The following MTTP variants were observed in gnomAD, a reference collection of about 807,000 sequenced individuals.
The protein encoded by MTTP is microsomal triglyceride transfer protein.
MTTP carries 49 observed loss-of-function variants against 90.6 expected under a neutral mutation model. That is an observed-to-expected ratio of 0.54 (90% CI 0.43 to 0.69). The LOEUF (loss-of-function observed/expected upper bound fraction) is 0.69. Ranked by LOEUF, MTTP falls within the 30% of genes least tolerant of loss-of-function variation. The pLI is 0.00. For synonymous variants in MTTP, 347 were observed against 384.2 expected, an observed-to-expected ratio of 0.90 and a Z score of 1.13; for missense variants, 945 against 1,067.5, an observed-to-expected ratio of 0.89 and a Z score of 1.60.
intron 9 of MTTP, 107 bp downstream of exon 9, chr4:99,600,840 C>A (rs1725678975): frequency 2.8e-6 from 3 of 1,064,702 alleles, no homozygotes; most frequent in Non-Finnish European, 4.1e-6. Context: ...CAACTAGAGA[C>A]TTCTGAGTAT....
chr4:99,575,978 A>T (rs1724948410), intron 1 of MTTP, among the ~76,000 whole-genome samples: 1 of 152,214 alleles, frequency 6.6e-6, no homozygotes. Flanking sequence ...TTGTGTAGAA[A>T]ATTTCCACAT....
At chr4:99,613,271 C>T in intron 15 of MTTP, 131 bp downstream of exon 15, 2 of 776,800 alleles carry the variant, frequency 2.6e-6, no homozygotes, top group Non-Finnish European at 2.2e-6. Flanking sequence ...AAGCACTTGG[C>T]CCTCTTGGTA....
intron 1 of MTTP, 49 bp from the exon 2 acceptor site, chr4:99,581,856 C>T (rs768789240): frequency 1.9e-6 from 3 of 1,582,400 alleles, no homozygotes; most frequent in Middle Eastern, 3.4e-4. Context: ...GGTGAGACAG[C>T]ATGTTCCCTT....
Position 99,616,963 on chromosome 4 carries a change from G to A in MTTP, c.2218-2011G>A, listed in dbSNP as rs538912028. Among the ~76,000 whole-genome samples, 428 of 152,314 alleles carry A rather than the reference G, an allele frequency of 2.8e-3. 4 individuals are homozygous for A. Among genetic ancestry groups the A allele is most frequent in the African/African-American group, 9.6e-3 (401 of 41,572 alleles). ...ACATCACAGGCCTCTGCTGGACTGG[G>A]TGGATGAACAAGATTATAATTTTCA... On this transcript the variant is annotated intron_variant, in intron 15 of 17. Transcript: ENST00000265517.
rs199422220 is a variant in MTTP at position 99,608,827 on chromosome 4, G to A, written c.1619G>A (p.Arg540His). The A allele has an allele frequency of 4.1e-5, 66 of 1,613,968 alleles. No homozygotes were observed. Among genetic ancestry groups the A allele is most frequent in the Non-Finnish European group, 5.2e-5 (61 of 1,179,994 alleles). Residue 540 changes from arginine (R) to histidine (H), a missense_variant, in exon 12 of 18, where the codon CGC becomes CAC. By Grantham distance (29) the Arg-to-His change is conservative (BLOSUM62 0). Transcript: ENST00000265517. ...CGTAAAGTTCATGAAAAGACTGTGC[G>A]CACTGCTGCAGCTGCTATCATTTTA... ...QNRKVHEKTV[R>H]TAAAAIILNN...
intron 15 of MTTP, among the ~76,000 whole-genome samples, chr4:99,613,780 A>G (rs1379842168): frequency 1.3e-5 from 2 of 152,190 alleles, no homozygotes; most frequent in Admixed American, 6.5e-5. Flanking sequence ...TACTGTACCA[A>G]AAAATGACAA....
chr4:99,570,260 G>T (rs1007767406), upstream of MTTP, among the ~76,000 whole-genome samples: 1 of 151,916 alleles, frequency 6.6e-6, no homozygotes, highest in Non-Finnish European at 1.5e-5. Context: ...ATACTTAAAA[G>T]ACATCTTTAC....
intron 6 of MTTP, 78 bp downstream of exon 6, chr4:99,591,868 GTT>G: frequency 1.5e-6 from 2 of 1,298,122 alleles, no homozygotes; most frequent in Non-Finnish European, 2.2e-6. Flanking sequence ...ATAGATCTGT[GTT>G]TGTGTGTGTG....
intron 7 of MTTP, chr4:99,595,378 C>T (rs529105796): frequency 3.6e-4 from 63 of 176,178 alleles, no homozygotes; most frequent in African/African-American, 1.1e-3. Context: ...GTCAGAAATG[C>T]GATATCTCAT....
At chr4:99,571,428 C>T (rs1288613870), upstream of MTTP, among the ~76,000 whole-genome samples, 1 of 151,750 alleles carries the variant, frequency 6.6e-6, no homozygotes, top group Non-Finnish European at 1.5e-5. Context: ...CAATTCTCTC[C>T]TTTAAATGCT....
chr4:99,618,235 AC>A (rs1726144098), intron 15 of MTTP, among the ~76,000 whole-genome samples: 1 of 152,134 alleles, frequency 6.6e-6, no homozygotes, highest in Non-Finnish European at 1.5e-5. Context: ...GGACTTGAGC[AC>A]CCTTGGATTT....
At chr4:99,607,633 T>A (rs553291774) in intron 11 of MTTP, among the ~76,000 whole-genome samples, 3 of 152,320 alleles carry the variant, frequency 2.0e-5, no homozygotes, top group African/African-American at 7.2e-5. Flanking sequence ...AAAGAAATAT[T>A]TATAAATGCT....
chr4:99,579,363 G>C (rs1725042743), intron 1 of MTTP, among the ~76,000 whole-genome samples: 1 of 152,010 alleles, frequency 6.6e-6, no homozygotes, highest in Admixed American at 6.5e-5. Flanking sequence ...TTTATTTCCA[G>C]CCTCTTTGGT....
chr4:99,586,037 T>G (rs1725250763), intron 3 of MTTP, among the ~76,000 whole-genome samples: 2 of 152,128 alleles, frequency 1.3e-5, no homozygotes, highest in South Asian at 2.1e-4. Flanking sequence ...CAGGCTCAAA[T>G]TAAGTTGTGC....
chr4:99,612,224 G>A lies in MTTP; in HGVS notation c.1990-689G>A, dbSNP rs568113411. Among the ~76,000 whole-genome samples, 6 of 152,168 alleles carry A rather than the reference G, an allele frequency of 3.9e-5. No homozygotes were observed. The South Asian group carries it at 1.2e-3, about 32-fold the overall frequency. ...GAGTACTATGCCTTTCTGTCCTGAGGAATCACAATCTGTTTTCTGATATGT... is the reference window on the plus strand; with the variant it reads ...GAGTACTATGCCTTTCTGTCCTGAGAAATCACAATCTGTTTTCTGATATGT... On this transcript the variant is annotated intron_variant, in intron 14 of 17. Transcript: ENST00000265517.
intron 8 of MTTP, among the ~76,000 whole-genome samples, chr4:99,599,393 C>T (rs975729746): frequency 8.5e-5 from 13 of 152,132 alleles, no homozygotes; most frequent in Admixed American, 4.6e-4. Context: ...ACCTAGGTTT[C>T]AATCCCAGCA....
chr4:99,591,864 C>CT, intron 6 of MTTP, 74 bp downstream of exon 6: 1 of 1,350,284 alleles, frequency 7.4e-7, no homozygotes, highest in Non-Finnish European at 1.0e-6. Context: ...GTAAATAGAT[C>CT]TGTGTTTGTG....
intron 1 of MTTP, among the ~76,000 whole-genome samples, chr4:99,579,765 C>T (rs767443954): frequency 1.3e-5 from 2 of 151,852 alleles, no homozygotes; most frequent in Non-Finnish European, 2.9e-5. Context: ...TGGTTGGGTG[C>T]GGTGGCTCAC....
At chr4:99,583,573 T>G in intron 3 of MTTP, 56 bp downstream of exon 3, 1 of 1,595,300 alleles carries the variant, frequency 6.3e-7, no homozygotes, top group Non-Finnish European at 8.6e-7. Context: ...TTTTCTTCCC[T>G]TCAGTAGATA....
Sources: gnomAD v4.1 joint callset for allele counts (sites outside exome capture counted in the v4.1 genomes callset) on GRCh38, gnomAD v4.1.1 for gene constraint, MANE v1.5 for transcripts, NCBI Gene and HGNC (gene_info 2026-07-23, HGNC 2026-07-21) for gene names.